The following SNX29 variants were observed in gnomAD, a reference collection of about 807,000 sequenced individuals.
SNX29 encodes the protein sorting nexin-29.
SNX29 carries 78 observed loss-of-function variants against 102.1 expected under a neutral mutation model. The ratio of observed to expected loss-of-function variants is 0.76; its 90% CI spans 0.64 to 0.92. The LOEUF is 0.92. Ranked by LOEUF, SNX29 falls within the 40% of genes least tolerant of loss-of-function variation. The pLI is 0.00. For synonymous variants in SNX29, 580 were observed against 414.5 expected (o/e 1.40, Z -4.85); for missense variants, 1,280 against 1,061.7 (o/e 1.21, Z -2.86).
intron 11 of SNX29, among the ~76,000 whole-genome samples, chr16:12,099,558 G>C (rs1234860962): frequency 6.6e-6 from 1 of 152,182 alleles, no homozygotes; most frequent in Non-Finnish European, 1.5e-5. Context: ...CTCTGCCCTT[G>C]GCTCTTGGGT....
intron 20 of SNX29, among the ~76,000 whole-genome samples, chr16:12,567,930 C>T (rs796355858): frequency 7.2e-5 from 11 of 152,152 alleles, no homozygotes; most frequent in African/African-American, 1.4e-4. Context: ...GCTGTGTGTT[C>T]GCGTTGCTTC....
At chr16:12,129,551 C>G (rs2054362677) in intron 12 of SNX29, 79 bp from the exon 13 acceptor site, 2 of 1,496,218 alleles carry the variant, frequency 1.3e-6, no homozygotes, top group Non-Finnish European at 1.8e-6. Context: ...TAGGACTTGA[C>G]TTATGTTAGG....
chr16:12,067,628 C>T (rs1396302608), intron 9 of SNX29, among the ~76,000 whole-genome samples: 1 of 152,214 alleles, frequency 6.6e-6, no homozygotes, highest in Non-Finnish European at 1.5e-5. Context: ...GCTGGGATTA[C>T]AGGCGTGCAC....
chr16:12,095,981 A>T (rs1017256461), intron 11 of SNX29, among the ~76,000 whole-genome samples: 2 of 152,230 alleles, frequency 1.3e-5, no homozygotes, highest in African/African-American at 4.8e-5. Flanking sequence ...TCCAGAAATG[A>T]AGTTGAGGAG....
intron 18 of SNX29, among the ~76,000 whole-genome samples, chr16:12,461,978 A>AATAATATATAT (rs1555544500): frequency 5.5e-4 from 15 of 27,348 alleles, no homozygotes; most frequent in East Asian, 4.2e-3. Flanking sequence ...AAAAAAAAAA[A>AATAATATATAT]ATATATATAT....
chr16:12,503,168 CCA>C (rs1399885188), intron 19 of SNX29, among the ~76,000 whole-genome samples: 1 of 152,060 alleles, frequency 6.6e-6, no homozygotes, highest in Non-Finnish European at 1.5e-5. Context: ...CTGGGTGCTG[CCA>C]CCCACCACTG....
At chr16:12,553,961 G>C (rs1426949157) in intron 20 of SNX29, among the ~76,000 whole-genome samples, 1 of 152,102 alleles carries the variant, frequency 6.6e-6, no homozygotes, top group Non-Finnish European at 1.5e-5. Flanking sequence ...CCAAGTAGCT[G>C]GGACTACAGG....
chr16:11,996,651 A>G (rs1307216819), intron 1 of SNX29, among the ~76,000 whole-genome samples: 4 of 152,196 alleles, frequency 2.6e-5, no homozygotes, highest in Non-Finnish European at 4.4e-5. Context: ...GGGCAGGTAG[A>G]GCTGTCGGGC....
At chr16:12,164,627 T>C (rs1420049077) in intron 13 of SNX29, among the ~76,000 whole-genome samples, 1 of 151,366 alleles carries the variant, frequency 6.6e-6, no homozygotes, top group Non-Finnish European at 1.5e-5. Flanking sequence ...GATTTAATCA[T>C]GGGATTTTCT....
At chr16:12,374,494 A>AGAGT (rs1278381322) in intron 16 of SNX29, 1 of 152,274 alleles carries the variant, frequency 6.6e-6, no homozygotes, top group African/African-American at 2.4e-5. Context: ...TGGTGATCGT[A>AGAGT]GAGTGATGTT....
chr16:12,171,069 G>A (rs888660735), intron 13 of SNX29, among the ~76,000 whole-genome samples: 6 of 152,012 alleles, frequency 3.9e-5, no homozygotes, highest in Non-Finnish European at 5.9e-5. Context: ...CACTAGGCCC[G>A]GTGCTTGTTT....
intron 6 of SNX29, among the ~76,000 whole-genome samples, chr16:12,047,341 T>G (rs2050130078): frequency 6.6e-6 from 1 of 152,230 alleles, no homozygotes; most frequent in Non-Finnish European, 1.5e-5. Flanking sequence ...AGTTTTTTGT[T>G]GCCTCCTTTT....
chr16:12,442,452 G>C (rs2085849696), intron 18 of SNX29, among the ~76,000 whole-genome samples: 1 of 152,174 alleles, frequency 6.6e-6, no homozygotes, highest in Non-Finnish European at 1.5e-5. Flanking sequence ...ACAAGTGTTT[G>C]TTGTAAAGGG....
intron 19 of SNX29, among the ~76,000 whole-genome samples, chr16:12,481,505 T>C (rs1050866846): frequency 2.2e-5 from 3 of 134,242 alleles, no homozygotes; most frequent in Non-Finnish European, 4.6e-5. Flanking sequence ...TATGTACATA[T>C]ACATATAGAC....
intron 16 of SNX29, among the ~76,000 whole-genome samples, chr16:12,386,094 A>G (rs746725584): frequency 6.6e-6 from 1 of 152,236 alleles, no homozygotes; most frequent in Non-Finnish European, 1.5e-5. Context: ...CGGAGACTCC[A>G]GGGCAGCAAA....
rs564929932 is a variant in SNX29, at chr16:12,574,239, C to T, written c.*5610C>T. 5.7e-6 allele frequency: 1 copy of T among 176,802 alleles called. No homozygotes were observed. Among genetic ancestry groups the T allele is most frequent in the Non-Finnish European group, 1.2e-5 (1 of 82,128 alleles). The allele number at this position is 176,802 out of a possible 1,614,324, so 11.0% of individuals were successfully genotyped here. On this transcript the variant is annotated 3_prime_UTR_variant, in exon 21 of 21. Transcript: ENST00000566228. ...GTTACAACCTGGTTGAGATCAACCT[C>T]TTTACAATGACACAAATTGTGACAT...
intron 14 of SNX29, among the ~76,000 whole-genome samples, chr16:12,224,130 T>G (rs964355631): frequency 6.6e-6 from 1 of 152,170 alleles, no homozygotes; most frequent in Non-Finnish European, 1.5e-5. Context: ...TTTTGTTTCT[T>G]TCTCAGCATG....
At chr16:12,141,218 A>T (rs376429340) in intron 13 of SNX29, among the ~76,000 whole-genome samples, 27 of 152,350 alleles carry the variant, frequency 1.8e-4, no homozygotes, top group Middle Eastern at 6.8e-3. Flanking sequence ...GGCTCAGATT[A>T]TGAGTAAGGT....
intron 20 of SNX29, among the ~76,000 whole-genome samples, chr16:12,548,299 C>A (rs1002469991): frequency 5.9e-5 from 9 of 152,146 alleles, no homozygotes; most frequent in South Asian, 2.1e-4. Flanking sequence ...AAGCTACTGT[C>A]CCTGGAGCCC....
Sources: allele counts gnomAD v4.1 joint callset (sites outside exome capture counted in the v4.1 genomes callset), GRCh38; gene constraint gnomAD v4.1.1; transcripts MANE v1.5; gene names NCBI Gene and HGNC (gene_info 2026-07-23, HGNC 2026-07-21).